CSMD1: variants seen among roughly 807,000 people sequenced by gnomAD.
The protein encoded by CSMD1 is CUB and sushi domain-containing protein 1.
Under a neutral mutation model 417.5 loss-of-function variants are expected in CSMD1, and 213 were observed. That is an observed-to-expected ratio of 0.51 (90% CI 0.46 to 0.57). CSMD1 has a LOEUF of 0.57. CSMD1 is among the 20% of genes least tolerant of loss of function. The probability of loss-of-function intolerance (pLI) is 0.00; values close to 1 mark genes in which losing one functional copy is unlikely to be tolerated. For missense variants in CSMD1, 6,923 were observed against 4,529.7 expected, an observed-to-expected ratio of 1.53 and a Z score of -15.17; for synonymous variants, 2,862 against 1,736.8, an observed-to-expected ratio of 1.65 and a Z score of -16.11.
intron 1 of CSMD1, among the ~76,000 whole-genome samples, chr8:4,841,139 T>C (rs1421063759): frequency 6.6e-6 from 1 of 152,220 alleles, no homozygotes; most frequent in African/African-American, 2.4e-5. Context: ...TCTTTATTAC[T>C]GAATGCATAT....
chr8:3,246,888 G>T (rs1177292329), intron 26 of CSMD1, among the ~76,000 whole-genome samples: 1 of 152,154 alleles, frequency 6.6e-6, no homozygotes, highest in Non-Finnish European at 1.5e-5. Flanking sequence ...TGGAATTAGA[G>T]TTCCAATTCT....
chr8:3,842,398 G>C (rs1004580869), intron 5 of CSMD1, among the ~76,000 whole-genome samples: 3 of 152,038 alleles, frequency 2.0e-5, no homozygotes, highest in African/African-American at 7.2e-5. Flanking sequence ...CCTGACAGTT[G>C]GCTGTGCATG....
chr8:3,583,038 GA>G lies in CSMD1; in HGVS notation c.1222+3097del, dbSNP rs559173623. On this transcript the variant is annotated intron_variant, in intron 9 of 69. Coordinates refer to ENST00000635120, the MANE Select transcript of CSMD1 (RefSeq NM_033225.6). ...TTGGGAAGTCTTCAAAGAGGGCTTAGAATTTCCCTTACAGAGCAACTCCTGC... is the reference window on the plus strand; with the variant it reads ...TTGGGAAGTCTTCAAAGAGGGCTTAGATTTCCCTTACAGAGCAACTCCTGC... Among the ~76,000 whole-genome samples, 8 of 152,260 alleles carry G rather than the reference GA, an allele frequency of 5.3e-5. No individual in the cohort carries two copies. The South Asian group carries it at 1.5e-3, about 28-fold the overall frequency.
intron 7 of CSMD1, among the ~76,000 whole-genome samples, chr8:3,624,551 G>C (rs1437865302): frequency 3.3e-5 from 5 of 152,180 alleles, no homozygotes; most frequent in Admixed American, 1.3e-4. Context: ...AGTTGGATCA[G>C]TTTTGAGACA....
chr8:4,188,570 G>T (rs13279779), intron 3 of CSMD1, among the ~76,000 whole-genome samples: 105,397 of 151,842 alleles, frequency 0.69, 36,788 homozygotes, highest in South Asian at 0.8. Context: ...GGTAGACACT[G>T]TCAACTGACG....
intron 10 of CSMD1, among the ~76,000 whole-genome samples, chr8:3,510,965 G>A (rs763642720): frequency 6.6e-6 from 1 of 151,770 alleles, no homozygotes; most frequent in Non-Finnish European, 1.5e-5. Context: ...CAATAGCAAA[G>A]ACTTGGAATG....
At chr8:4,779,073 C>T (rs576316747) in intron 1 of CSMD1, among the ~76,000 whole-genome samples, 3 of 152,132 alleles carry the variant, frequency 2.0e-5, no homozygotes, top group African/African-American at 7.2e-5. Flanking sequence ...CATACAGAAT[C>T]CTTACGAGAG....
chr8:4,102,369 C>T lies in CSMD1; in HGVS notation c.416-70270G>A, dbSNP rs192267206. Among the ~76,000 whole-genome samples the T allele has an allele frequency of 2.9e-3, 445 of 152,258 alleles. 1 individual carries two copies. Among genetic ancestry groups the T allele is most frequent in the African/African-American group, 0.01 (418 of 41,552 alleles). ...GCTTTGTTTTTCCTTGCAAGAGAAA[C>T]TGGACATTGGTAACTTCGTAAGGTT... On this transcript the variant is annotated intron_variant, in intron 3 of 69. Coordinates refer to ENST00000635120, the MANE Select transcript of CSMD1 (RefSeq NM_033225.6).
At chr8:4,545,056 G>C (rs2130534652) in intron 2 of CSMD1, among the ~76,000 whole-genome samples, 1 of 152,306 alleles carries the variant, frequency 6.6e-6, no homozygotes, top group East Asian at 1.9e-4. Flanking sequence ...ATATACGTGT[G>C]TGTGCACACA....
chr8:3,991,010 C>T (rs1292159894), intron 5 of CSMD1, among the ~76,000 whole-genome samples: 3 of 152,152 alleles, frequency 2.0e-5, no homozygotes, highest in East Asian at 1.9e-4. Context: ...TGACAAAAAC[C>T]TCTAAAACAC....
chr8:3,720,858 T>C (rs979325082), intron 6 of CSMD1, among the ~76,000 whole-genome samples: 3 of 151,816 alleles, frequency 2.0e-5, no homozygotes, highest in Non-Finnish European at 2.9e-5. Flanking sequence ...GTTGCCCAGG[T>C]TGAAGTGCAA....
At chr8:3,081,644 C>G (rs759213543) in intron 49 of CSMD1, among the ~76,000 whole-genome samples, 3 of 152,134 alleles carry the variant, frequency 2.0e-5, no homozygotes, top group African/African-American at 2.4e-5. Flanking sequence ...CACTTTTGAC[C>G]AAATGTGAGA....
intron 1 of CSMD1, among the ~76,000 whole-genome samples, chr8:4,682,955 C>CATATATATATAT (rs10566841): frequency 4.2e-5 from 5 of 118,486 alleles, no homozygotes; most frequent in South Asian, 2.9e-4. Context: ...TAAGTATCTT[C>CATATATATATAT]ATATATATAT....
rs1021601629 is a variant in CSMD1 at position 3,929,430 on chromosome 8, G to T, written c.818+68473C>A. 3.3e-5 allele frequency among the ~76,000 whole-genome samples: 5 copies of T among 150,464 alleles called. 1 individual carries two copies. The highest frequency in any genetic ancestry group is 3.3e-4 in the Admixed American group (5 of 15,104). On this transcript the variant is annotated intron_variant, in intron 5 of 69. Transcript: ENST00000635120. ...AATTTCAACCTTCCCCACATGAGAA[G>T]TGGGTCCAAAAGCTGGAGGGGACAG...
intron 3 of CSMD1, among the ~76,000 whole-genome samples, chr8:4,366,868 T>C (rs1343047667): frequency 6.6e-6 from 1 of 152,150 alleles, no homozygotes; most frequent in East Asian, 1.9e-4. Flanking sequence ...TGCCTGTTCA[T>C]GTCCTTGCCC....
chr8:4,256,368 A>T (rs868809778), intron 3 of CSMD1, among the ~76,000 whole-genome samples: 29 of 152,272 alleles, frequency 1.9e-4, no homozygotes, highest in Middle Eastern at 3.4e-3. Context: ...AAATGAATAC[A>T]TTGCTCTGAT....
chr8:3,932,842 G>C (rs1399149527), intron 5 of CSMD1, among the ~76,000 whole-genome samples: 1 of 150,078 alleles, frequency 6.7e-6, no homozygotes, highest in East Asian at 2.0e-4. Flanking sequence ...TTATGCTATT[G>C]TTATTAGATT....
chr8:4,274,962 C>T lies in CSMD1; in HGVS notation c.415+144991G>A, dbSNP rs1430634733. Reference sequence around the variant, plus strand: ...TTCTTGAGAGCCATCAACAAACATGCTTGTAGCTGAGCAGAGTGTGTGGTA... The same window carrying T: ...TTCTTGAGAGCCATCAACAAACATGTTTGTAGCTGAGCAGAGTGTGTGGTA... On this transcript the variant is annotated intron_variant, in intron 3 of 69. Transcript: ENST00000635120. Among the ~76,000 whole-genome samples the T allele has an allele frequency of 2.0e-5, 3 of 152,158 alleles. No individual in the cohort carries two copies. The East Asian group carries it at 5.8e-4, about 29-fold the overall frequency.
At chr8:4,482,482 A>G (rs1356263439) in intron 2 of CSMD1, among the ~76,000 whole-genome samples, 1 of 151,974 alleles carries the variant, frequency 6.6e-6, no homozygotes, top group Admixed American at 6.6e-5. Flanking sequence ...TATTTTCTCT[A>G]CCCAGTCTAT....
Sources: gnomAD v4.1 joint callset for allele counts (sites outside exome capture counted in the v4.1 genomes callset) on GRCh38, gnomAD v4.1.1 for gene constraint, MANE v1.5 for transcripts, NCBI Gene and HGNC (gene_info 2026-07-23, HGNC 2026-07-21) for gene names.